The following RBPMS variants were observed in gnomAD, a reference collection of about 807,000 sequenced individuals.
RBPMS encodes RNA-binding protein with multiple splicing.
RBPMS carries 7 observed loss-of-function variants against 26.8 expected under a neutral mutation model. The ratio of observed to expected loss-of-function variants is 0.26; its 90% CI spans 0.15 to 0.49. The LOEUF is 0.49. Ranked by LOEUF, RBPMS falls within the 20% of genes least tolerant of loss-of-function variation. The pLI, the probability that RBPMS is intolerant of heterozygous loss-of-function variation, is 0.98. For missense variants in RBPMS, 186 were observed against 250.0 expected (o/e 0.74, Z 1.73); for synonymous variants, 96 against 93.3 (o/e 1.03, Z -0.17).
intron 5 of RBPMS, among the ~76,000 whole-genome samples, chr8:30,519,624 T>C (rs960786681): frequency 2.0e-5 from 3 of 151,752 alleles, no homozygotes; most frequent in African/African-American, 7.3e-5. Context: ...ACTGGGACTA[T>C]AGGCGCCCAC....
chr8:30,518,249 A>G (rs185912250), intron 5 of RBPMS, among the ~76,000 whole-genome samples: 6 of 152,298 alleles, frequency 3.9e-5, no homozygotes, highest in Admixed American at 3.3e-4. Flanking sequence ...AATTCCAGGC[A>G]CAGGTTAACT....
chr8:30,523,368 CTG>C (rs566337206), intron 5 of RBPMS, among the ~76,000 whole-genome samples: 4 of 147,430 alleles, frequency 2.7e-5, no homozygotes, highest in East Asian at 2.0e-4. Flanking sequence ...GAGAGTGAAA[CTG>C]TGTCTCAAAA....
intron 7 of RBPMS, among the ~76,000 whole-genome samples, chr8:30,560,282 G>A (rs1210565294): frequency 6.6e-6 from 1 of 152,172 alleles, no homozygotes; most frequent in Non-Finnish European, 1.5e-5. Context: ...TCACGCAGGA[G>A]GCCGGCCCTT....
chr8:30,508,253 C>G (rs1003161990), intron 5 of RBPMS, among the ~76,000 whole-genome samples: 1 of 152,168 alleles, frequency 6.6e-6, no homozygotes, highest in Admixed American at 6.5e-5. Flanking sequence ...ACCCTACAGA[C>G]ACCTCTAGAC....
intron 7 of RBPMS, among the ~76,000 whole-genome samples, chr8:30,559,790 G>A (rs1002456318): frequency 2.0e-5 from 3 of 152,214 alleles, no homozygotes; most frequent in Non-Finnish European, 2.9e-5. Context: ...TCCTCATGCT[G>A]TTAGAAATGC....
At chr8:30,439,597 C>A (rs1359300092) in intron 1 of RBPMS, among the ~76,000 whole-genome samples, 1 of 152,032 alleles carries the variant, frequency 6.6e-6, no homozygotes, top group East Asian at 1.9e-4. Flanking sequence ...TTGGCTCCCC[C>A]ACACCCCCTC....
chr8:30,408,906 CTA>C (rs1200893117), intron 1 of RBPMS, among the ~76,000 whole-genome samples: 1 of 152,172 alleles, frequency 6.6e-6, no homozygotes, highest in Non-Finnish European at 1.5e-5. Context: ...TTTTTTTCCT[CTA>C]TGGATTAGCC....
intron 1 of RBPMS, among the ~76,000 whole-genome samples, chr8:30,410,143 T>C (rs867661430): frequency 3.0e-5 from 4 of 132,196 alleles, no homozygotes; most frequent in East Asian, 2.3e-4. Context: ...TGACTTAAAA[T>C]ACACACACAC....
intron 1 of RBPMS, among the ~76,000 whole-genome samples, chr8:30,459,869 C>T (rs1355103952): frequency 6.6e-6 from 1 of 152,166 alleles, no homozygotes; most frequent in Non-Finnish European, 1.5e-5. Context: ...TATTTCTCAA[C>T]CACAAACCTC....
At chr8:30,496,658 G>A (rs918936916) in intron 4 of RBPMS, among the ~76,000 whole-genome samples, 1 of 152,152 alleles carries the variant, frequency 6.6e-6, no homozygotes, top group Non-Finnish European at 1.5e-5. Flanking sequence ...TCCCATTCCT[G>A]TGATCTTTAC....
chr8:30,395,461 C>CCAAA (rs1491402867), intron 1 of RBPMS, among the ~76,000 whole-genome samples: 4 of 43,798 alleles, frequency 9.1e-5, no homozygotes, highest in African/African-American at 7.1e-4. Flanking sequence ...GACTCTGTCT[C>CCAAA]AAAAAAAAAA....
At chr8:30,495,631 G>A (rs1819864745) in intron 4 of RBPMS, among the ~76,000 whole-genome samples, 1 of 152,188 alleles carries the variant, frequency 6.6e-6, no homozygotes, top group Non-Finnish European at 1.5e-5. Context: ...AAAAGAATGA[G>A]GCATAATTGG....
At chr8:30,424,692 A>G (rs1811157683) in intron 1 of RBPMS, among the ~76,000 whole-genome samples, 1 of 152,224 alleles carries the variant, frequency 6.6e-6, no homozygotes, top group African/African-American at 2.4e-5. Context: ...TATGATATGT[A>G]AAATGTTACA....
intron 1 of RBPMS, among the ~76,000 whole-genome samples, chr8:30,440,571 G>C (rs919168576): frequency 2.0e-5 from 3 of 152,120 alleles, no homozygotes; most frequent in Non-Finnish European, 4.4e-5. Flanking sequence ...CTGTCAAATG[G>C]ATGTTTGGGT....
intron 1 of RBPMS, among the ~76,000 whole-genome samples, chr8:30,472,594 G>C (rs568234148): frequency 0.016 from 2,392 of 152,252 alleles, 29 homozygotes; most frequent in Non-Finnish European, 0.021. Flanking sequence ...CCTCAATAAA[G>C]CTGTTTATAA....
intron 1 of RBPMS, among the ~76,000 whole-genome samples, chr8:30,410,182 A>ACACACACACT (rs1809174877): frequency 6.8e-6 from 1 of 147,384 alleles, no homozygotes; most frequent in African/African-American, 2.6e-5. Flanking sequence ...ACACACACAC[A>ACACACACACT]CACACACACT....
chr8:30,565,064 G>A (rs1414335503), intron 7 of RBPMS: 2 of 152,222 alleles, frequency 1.3e-5, no homozygotes, highest in African/African-American at 4.8e-5. Context: ...CTCCTGTGTG[G>A]AGGGGTCCTG....
intron 1 of RBPMS, among the ~76,000 whole-genome samples, chr8:30,458,668 C>T (rs747966942): frequency 7.8e-4 from 119 of 152,182 alleles, no homozygotes; most frequent in Non-Finnish European, 1.4e-3. Context: ...GTCCATTTCC[C>T]TTGTTTTGCA....
chr8:30,493,428 A>G (rs1488082459), intron 4 of RBPMS, among the ~76,000 whole-genome samples: 2 of 152,160 alleles, frequency 1.3e-5, no homozygotes, highest in Non-Finnish European at 2.9e-5. Flanking sequence ...AATGAAAGGG[A>G]CTACTGGCAG....
Sources: gnomAD v4.1 joint callset for allele counts (sites outside exome capture counted in the v4.1 genomes callset) on GRCh38, gnomAD v4.1.1 for gene constraint, MANE v1.5 for transcripts, NCBI Gene and HGNC (gene_info 2026-07-23, HGNC 2026-07-21) for gene names.